TP53BP1: variants seen among roughly 807,000 people sequenced by gnomAD.
TP53BP1 encodes TP53-binding protein 1.
Under a neutral mutation model 200.8 loss-of-function variants are expected in TP53BP1, and 61 were observed. The ratio of observed to expected loss-of-function variants is 0.30; its 90% CI spans 0.25 to 0.38. TP53BP1 has a LOEUF of 0.38. Among genes scored for constraint, TP53BP1 ranks in the 10% least tolerant of loss-of-function variants. The pLI, the probability that TP53BP1 is intolerant of heterozygous loss-of-function variation, is 1.00. For synonymous variants in TP53BP1, 822 were observed against 844.3 expected, an observed-to-expected ratio of 0.97 and a Z score of 0.46; for missense variants, 2,144 against 2,371.9, an observed-to-expected ratio of 0.90 and a Z score of 2.00.
At chr15:43,492,571 G>A in intron 1 of TP53BP1, 103 bp from the exon 2 acceptor site, 1 of 881,042 alleles carries the variant, frequency 1.1e-6, no homozygotes, top group South Asian at 1.6e-5. Flanking sequence ...TGGGAAACGG[G>A]ACCACTTCAG....
At chr15:43,423,222 C>T (rs1595535182) in intron 18 of TP53BP1, among the ~76,000 whole-genome samples, 1 of 150,210 alleles carries the variant, frequency 6.7e-6, no homozygotes, top group African/African-American at 2.5e-5. Context: ...GCAATGTTCG[C>T]TATGGGCACA....
intron 17 of TP53BP1, among the ~76,000 whole-genome samples, chr15:43,429,926 C>T (rs2045632416): frequency 6.6e-6 from 1 of 152,190 alleles, no homozygotes; most frequent in African/African-American, 2.4e-5. Context: ...TTTACATATT[C>T]CTGAAATGCA....
intron 12 of TP53BP1, among the ~76,000 whole-genome samples, chr15:43,447,689 C>A (rs1484321294): frequency 6.6e-6 from 1 of 152,056 alleles, no homozygotes; most frequent in Non-Finnish European, 1.5e-5. Context: ...TCTTCACAGC[C>A]AACAACTATA....
intron 4 of TP53BP1, among the ~76,000 whole-genome samples, chr15:43,489,777 G>A (rs2079094922): frequency 6.6e-6 from 1 of 152,034 alleles, no homozygotes; most frequent in Non-Finnish European, 1.5e-5. Context: ...ACCTATGTAG[G>A]CCAAATAAAA....
intron 24 of TP53BP1, among the ~76,000 whole-genome samples, chr15:43,410,980 T>C (rs963419435): frequency 2.0e-5 from 3 of 152,188 alleles, no homozygotes; most frequent in Non-Finnish European, 4.4e-5. Flanking sequence ...TTTCTCAGCT[T>C]TGTCATAGCA....
At chr15:43,508,763 T>C (rs766938016) in intron 1 of TP53BP1, among the ~76,000 whole-genome samples, 4 of 152,180 alleles carry the variant, frequency 2.6e-5, no homozygotes, top group Non-Finnish European at 4.4e-5. Context: ...TTCTGTGACA[T>C]TGTCAGACTT....
intron 4 of TP53BP1, among the ~76,000 whole-genome samples, chr15:43,486,464 C>T (rs906343865): frequency 1.6e-4 from 25 of 152,266 alleles, no homozygotes; most frequent in East Asian, 9.6e-4. Context: ...TATTACTTTA[C>T]ATATAAAACA....
chr15:43,428,834 C>T (rs971751241), intron 17 of TP53BP1, among the ~76,000 whole-genome samples: 18 of 151,992 alleles, frequency 1.2e-4, no homozygotes, highest in Admixed American at 1.1e-3. Context: ...CTAAATAAGA[C>T]CCTACTTTTT....
intron 25 of TP53BP1, 140 bp from the exon 26 acceptor site, chr15:43,409,236 G>C (rs1182793075): frequency 1.4e-6 from 1 of 730,684 alleles, no homozygotes; most frequent in East Asian, 2.7e-5. Flanking sequence ...TCCTGCCCAA[G>C]GCCACTCTTC....
chr15:43,463,418 G>A (rs1234322156), intron 11 of TP53BP1, among the ~76,000 whole-genome samples: 1 of 152,100 alleles, frequency 6.6e-6, no homozygotes, highest in Non-Finnish European at 1.5e-5. Context: ...TTGGACTCCA[G>A]TAACCAAGGT....
chr15:43,415,500 G>A, intron 23 of TP53BP1, 94 bp downstream of exon 23: 1 of 1,324,900 alleles, frequency 7.5e-7, no homozygotes, highest in Admixed American at 1.7e-5. Flanking sequence ...AGGACAGAAG[G>A]GCCACTGCCA....
At chr15:43,481,490 C>T (rs1376100917) in intron 4 of TP53BP1, among the ~76,000 whole-genome samples, 1 of 151,000 alleles carries the variant, frequency 6.6e-6, no homozygotes, top group African/African-American at 2.4e-5. Context: ...CACACACACA[C>T]ACTTTTTATT....
intron 14 of TP53BP1, among the ~76,000 whole-genome samples, chr15:43,444,405 C>G (rs185332118): frequency 9.2e-5 from 14 of 152,296 alleles, no homozygotes; most frequent in African/African-American, 3.4e-4. Context: ...ACCACCATGC[C>G]TGGCAATAAG....
intron 16 of TP53BP1, among the ~76,000 whole-genome samples, chr15:43,435,115 T>C (rs941003109): frequency 2.6e-5 from 4 of 151,578 alleles, no homozygotes; most frequent in Non-Finnish European, 5.9e-5. Context: ...ACAAAAAAAA[T>C]AGCCATGTGT....
Position 43,407,083 on chromosome 15 carries a change from C to A in TP53BP1, c.*300G>T. The A allele has an allele frequency of 3.3e-6, 1 of 305,020 alleles. No individual in the cohort carries two copies. The highest frequency in any genetic ancestry group is 6.2e-6 in the Non-Finnish European group (1 of 161,710). The allele number at this position is 305,020 out of a possible 1,614,324, so 18.9% of individuals were successfully genotyped here. A position where few individuals can be genotyped will look rare whatever the true frequency, so the allele number is the denominator to read the frequency against. On this transcript the variant is annotated 3_prime_UTR_variant, in exon 28 of 28. Coordinates refer to ENST00000382044, the MANE Select transcript of TP53BP1 (RefSeq NM_001141980.3). ...ATGATGCCACAGAATAAAGTTCACT[C>A]TTAACTTTTCAATTTCCTTGGCCAG...
chr15:43,451,751 A>T (rs1217055197), intron 12 of TP53BP1, among the ~76,000 whole-genome samples: 1 of 152,228 alleles, frequency 6.6e-6, no homozygotes, highest in Non-Finnish European at 1.5e-5. Context: ...ATCCCTGAGG[A>T]ATCGCCACAG....
intron 26 of TP53BP1, chr15:43,408,448 T>G (rs2044994760): frequency 3.7e-6 from 1 of 269,258 alleles, no homozygotes; most frequent in African/African-American, 2.2e-5. Context: ...GCCACTGTAC[T>G]CCAGCCTAGG....
At chr15:43,422,268 G>A in intron 18 of TP53BP1, 142 bp from the exon 19 acceptor site, 1 of 1,017,522 alleles carries the variant, frequency 9.8e-7, no homozygotes, top group Non-Finnish European at 1.4e-6. Flanking sequence ...TAATGGGAAT[G>A]TTCTGTATCT....
At chr15:43,472,091 C>T (rs372548525) in intron 10 of TP53BP1, among the ~76,000 whole-genome samples, 2 of 152,204 alleles carry the variant, frequency 1.3e-5, no homozygotes, top group African/African-American at 4.8e-5. Flanking sequence ...TAATAGGAGG[C>T]ATATACATGA....
Sources: allele counts gnomAD v4.1 joint callset (sites outside exome capture counted in the v4.1 genomes callset), GRCh38; gene constraint gnomAD v4.1.1; transcripts MANE v1.5; gene names NCBI Gene and HGNC (gene_info 2026-07-23, HGNC 2026-07-21).